GRIK1: variants seen among roughly 807,000 people sequenced by gnomAD.
The protein encoded by GRIK1 is glutamate ionotropic receptor kainate type subunit 1, also known as glutamate receptor ionotropic, kainate 1.
In GRIK1, 69 loss-of-function variants were observed where a neutral mutation model predicts 105.7. The ratio of observed to expected loss-of-function variants is 0.65; its 90% CI spans 0.54 to 0.80. GRIK1 has a LOEUF of 0.80. GRIK1 is among the 30% of genes least tolerant of loss of function. GRIK1 has a pLI of 0.00. For missense variants in GRIK1, 1,109 were observed against 1,167.3 expected (o/e 0.95, Z 0.73); for synonymous variants, 438 against 431.3 (o/e 1.02, Z -0.19).
chr21:29,736,980 G>A (rs1384056703), intron 1 of GRIK1, among the ~76,000 whole-genome samples: 2 of 152,026 alleles, frequency 1.3e-5, no homozygotes, highest in African/African-American at 2.4e-5. Context: ...TGCTCAACCC[G>A]ACATTTTCAT....
At position 29,587,439 on chromosome 21, in the gene GRIK1, G is replaced by A. The variant is rs146846624; in HGVS notation, c.1720C>T (p.Leu574=). 191 of 1,613,750 alleles carry A rather than the reference G, an allele frequency of 1.2e-4. No individual in the cohort carries two copies. The highest frequency in any genetic ancestry group is 1.8e-4 in the Admixed American group (11 of 60,022). The change falls in exon 12 of 18, where the codon CTG becomes TTG. Residue 574 remains leucine, a synonymous_variant. Transcript: ENST00000327783. ...ACATACATCCAAATATCTGGAGACA[G>A]GGGGTTGAGGAAGGAGAAAACGCCT... ...NPGVFSFLNP[L]SPDIWMYVLL...
In GRIK1 at chr21:29,750,004, G is replaced by A. The variant is rs187300239; in HGVS notation, c.119-55941C>T. ...TTATTTATATATTTCATGAATATTA[G>A]TAGTAGTTGTTATAGAAGAGTATTA... On this transcript the variant is annotated intron_variant, in intron 1 of 17. Coordinates refer to ENST00000327783, the MANE Select transcript of GRIK1 (RefSeq NM_001330994.2). Among the ~76,000 whole-genome samples, 682 of 151,920 alleles carry A rather than the reference G, an allele frequency of 4.5e-3. 3 individuals are homozygous for A. Among genetic ancestry groups the A allele is most frequent in the Non-Finnish European group, 7.5e-3 (513 of 67,960 alleles).
chr21:29,883,625 G>T (rs547285488), intron 1 of GRIK1, among the ~76,000 whole-genome samples: 1 of 152,132 alleles, frequency 6.6e-6, no homozygotes, highest in African/African-American at 2.4e-5. Context: ...AGACACCCAG[G>T]AAGGCATCAG....
rs1491347163 is a variant in GRIK1, at chr21:29,560,286, T to TCTTTCTTTCTTTCTTTC, written c.2356+1321_2356+1337dup. 3.1e-3 allele frequency among the ~76,000 whole-genome samples: 183 copies of TCTTTCTTTCTTTCTTTC among 59,066 alleles called. 4 individuals are homozygous for TCTTTCTTTCTTTCTTTC. The highest frequency in any genetic ancestry group is 0.014 in the African/African-American group (176 of 12,618). The allele number at this position is 59,066 out of a possible 152,430, so 38.7% of individuals were successfully genotyped here. On this transcript the variant is annotated intron_variant, in intron 15 of 17. Coordinates refer to ENST00000327783, the MANE Select transcript of GRIK1 (RefSeq NM_001330994.2). ...GGACCTTATATGATACAGTTTTCTT[T>TCTTTCTTTCTTTCTTTC]CTTTCTTTCTTTCTTTCTTTCTTTC...
chr21:29,803,342 C>T (rs551633149), intron 1 of GRIK1, among the ~76,000 whole-genome samples: 11 of 152,260 alleles, frequency 7.2e-5, no homozygotes, highest in East Asian at 1.9e-4. Context: ...TAAATGTTAA[C>T]GCATACATCT....
chr21:29,553,453 G>C, intron 16 of GRIK1: 1 of 1,424,882 alleles, frequency 7.0e-7, no homozygotes, highest in Non-Finnish European at 9.1e-7. Flanking sequence ...TAAAGGAATA[G>C]AGAATTGTGG....
intron 9 of GRIK1, among the ~76,000 whole-genome samples, chr21:29,593,404 A>G (rs1232151656): frequency 6.6e-6 from 1 of 152,194 alleles, no homozygotes; most frequent in African/African-American, 2.4e-5. Context: ...TAGACTCAGG[A>G]AAAGTGGACA....
intron 1 of GRIK1, among the ~76,000 whole-genome samples, chr21:29,707,454 C>CCTTCCTTCCTTCCTTCCTT (rs1601500614): frequency 6.8e-5 from 6 of 88,554 alleles, no homozygotes; most frequent in South Asian, 5.6e-4. Context: ...CTCCCTCCCT[C>CCTTCCTTCCTTCCTTCCTT]CCTCCCTCCC....
intron 1 of GRIK1, among the ~76,000 whole-genome samples, chr21:29,742,587 G>T (rs1265360662): frequency 6.6e-6 from 1 of 152,172 alleles, no homozygotes; most frequent in East Asian, 1.9e-4. Context: ...GTGGTTTCAT[G>T]GATGAATTTC....
intron 4 of GRIK1, among the ~76,000 whole-genome samples, chr21:29,667,754 A>G (rs1296867597): frequency 1.3e-5 from 2 of 152,340 alleles, no homozygotes; most frequent in Admixed American, 6.5e-5. Flanking sequence ...GGAGCAAGAC[A>G]GTGCCATCTT....
At chr21:29,656,418 C>T (rs1444655773) in intron 4 of GRIK1, among the ~76,000 whole-genome samples, 5 of 119,806 alleles carry the variant, frequency 4.2e-5, no homozygotes, top group Non-Finnish European at 8.6e-5. Flanking sequence ...TTAGAAATCA[C>T]ATTTCCAAGG....
chr21:29,852,736 T>C (rs1045037975), intron 1 of GRIK1, among the ~76,000 whole-genome samples: 6 of 152,242 alleles, frequency 3.9e-5, no homozygotes, highest in South Asian at 2.1e-4. Context: ...CATTATGATA[T>C]AGGAGAATAT....
chr21:29,906,893 A>G (rs2146280989), intron 1 of GRIK1, among the ~76,000 whole-genome samples: 1 of 152,232 alleles, frequency 6.6e-6, no homozygotes, highest in South Asian at 2.1e-4. Flanking sequence ...TGATTGCAAC[A>G]TATTCAATAC....
intron 1 of GRIK1, among the ~76,000 whole-genome samples, chr21:29,720,495 A>ATG (rs147353174): frequency 0.013 from 1,904 of 150,018 alleles, 40 homozygotes; most frequent in African/African-American, 0.042. Flanking sequence ...GTGTGTGTAT[A>ATG]TGTGTGTGTG....
rs1034871322 is a variant in GRIK1, at chr21:29,574,742, C to T, written c.2130+2222G>A. 3.7e-5 allele frequency among the ~76,000 whole-genome samples: 5 copies of T among 136,856 alleles called. No individual in the cohort carries two copies. The East Asian group carries it at 8.5e-4, about 23-fold the overall frequency. 89.8% of individuals were successfully genotyped at this position (136,856 alleles called of 152,430 possible). A position where few individuals can be genotyped will look rare whatever the true frequency, so the allele number is the denominator to read the frequency against. The stretch of plus-strand genomic sequence containing the variant: ...TCGCTCTGTGGCCCAGGCGGGAGTG[C>T]AGTGGCGCAATCTCGGCTCACTGCA... On this transcript the variant is annotated intron_variant, in intron 14 of 17. Coordinates refer to ENST00000327783, the MANE Select transcript of GRIK1 (RefSeq NM_001330994.2).
Position 29,773,448 on chromosome 21 carries a change from A to G in GRIK1, c.119-79385T>C, listed in dbSNP as rs193040381. 6.6e-5 allele frequency among the ~76,000 whole-genome samples: 10 copies of G among 152,170 alleles called. No individual in the cohort carries two copies. The East Asian group carries it at 1.7e-3, about 26-fold the overall frequency. ...GTATTTCCAAGTTTTCTGCTTGTCT[A>G]CTGGAGCCATGTGGGCAATTCTTCT... On this transcript the variant is annotated intron_variant, in intron 1 of 17. Transcript: ENST00000327783.
chr21:29,648,402 C>T (rs1158411687), intron 6 of GRIK1, among the ~76,000 whole-genome samples: 1 of 152,144 alleles, frequency 6.6e-6, no homozygotes, highest in African/African-American at 2.4e-5. Context: ...CATGCACATT[C>T]ACATATATCT....
intron 1 of GRIK1, among the ~76,000 whole-genome samples, chr21:29,759,182 A>G (rs1401834874): frequency 6.6e-6 from 1 of 151,114 alleles, no homozygotes; most frequent in Non-Finnish European, 1.5e-5. Flanking sequence ...CAGTGACACA[A>G]TCTTGGCTCA....
chr21:29,931,897 A>AT (rs1007283880), intron 1 of GRIK1, among the ~76,000 whole-genome samples: 77 of 152,124 alleles, frequency 5.1e-4, no homozygotes, highest in Non-Finnish European at 9.4e-4. Flanking sequence ...ATGTTTTAAT[A>AT]TTTTTTTGAA....
Sources: gnomAD v4.1 joint callset for allele counts (sites outside exome capture counted in the v4.1 genomes callset) on GRCh38, gnomAD v4.1.1 for gene constraint, MANE v1.5 for transcripts, NCBI Gene and HGNC (gene_info 2026-07-23, HGNC 2026-07-21) for gene names.